The following GBP4 variants were observed in gnomAD, a reference collection of about 807,000 sequenced individuals.
The protein encoded by GBP4 is guanylate-binding protein 4.
In GBP4, 69 loss-of-function variants were observed where a neutral mutation model predicts 62.2. The ratio of observed to expected loss-of-function variants is 1.11; its 90% CI spans 0.91 to 1.36. The LOEUF is 1.36. GBP4 is among the 40% of genes most tolerant of loss of function. GBP4 has a pLI of 0.00. For missense variants in GBP4, 697 were observed against 759.3 expected (o/e 0.92, Z 0.96); for synonymous variants, 278 against 274.6 (o/e 1.01, Z -0.12).
At position 89,198,909 on chromosome 1, in the gene GBP4, G is replaced by A. The variant is rs1648419609; in HGVS notation, c.-75C>T. The stretch of plus-strand genomic sequence containing the variant: ...AGCTGAAAGTCCAGCCGGATTTACA[G>A]ACATCCAAGTAAGAGTCTGTGAGAA... On this transcript the variant is annotated 5_prime_UTR_variant, in exon 1 of 11. Coordinates refer to ENST00000355754, the MANE Select transcript of GBP4 (RefSeq NM_052941.5). The A allele has an allele frequency of 7.2e-7, 1 of 1,381,478 alleles. No homozygotes were observed. Among genetic ancestry groups the A allele is most frequent in the South Asian group, 1.2e-5 (1 of 86,416 alleles). The allele number at this position is 1,381,478 out of a possible 1,614,324, so 85.6% of individuals were successfully genotyped here.
intron 6 of GBP4, 67 bp downstream of exon 6, chr1:89,191,194 C>A: frequency 6.5e-7 from 1 of 1,547,336 alleles, no homozygotes; most frequent in South Asian, 1.2e-5. Flanking sequence ...GAAAAACTTG[C>A]AGTCATTACA....
chr1:89,197,047 G>T, intron 2 of GBP4, 63 bp downstream of exon 2: 1 of 1,389,848 alleles, frequency 7.2e-7, no homozygotes, highest in Non-Finnish European at 9.9e-7. Flanking sequence ...CCTAGAGGGG[G>T]TGTGATCAGC....
Position 89,188,570 on chromosome 1 carries a change from C to T in GBP4, c.1410+12G>A. 8 of 1,607,128 alleles carry T rather than the reference C, an allele frequency of 5.0e-6. No homozygotes were observed. The highest frequency in any genetic ancestry group is 6.8e-6 in the Non-Finnish European group (8 of 1,173,594). ...TCCTCTGTTATCCATCCCCCATTCC[C>T]CTTTTCCTCACCTTAACTCCTTTTC... is the stretch of plus-strand genomic sequence containing the variant. On this transcript the variant is annotated intron_variant, in intron 8 of 10. Coordinates refer to ENST00000355754, the MANE Select transcript of GBP4 (RefSeq NM_052941.5).
Position 89,188,622 on chromosome 1 carries a change from A to T in GBP4, c.1370T>A (p.Val457Asp). The change falls in exon 8 of 11, where the codon GTT (valine) becomes GAT (aspartate). Residue 457 changes from valine to aspartate, a missense_variant. Around this residue, in one of 2 missense-constraint regions of GBP4, gnomAD observed 556 missense variants for 562.7 expected, o/e 0.99. Transcript: ENST00000355754. ...HNLYLEEKKQ[V>D]EWDYKLVPRK... Reference sequence around the variant, plus strand: ...GGGCACTAGCTTATAGTCCCACTCAACCTGTTTCTTTTCTTCTAAGTAGAG... The same window carrying T: ...GGGCACTAGCTTATAGTCCCACTCATCCTGTTTCTTTTCTTCTAAGTAGAG... 6.2e-7 allele frequency: 1 copy of T among 1,614,128 alleles called. No homozygotes were observed. The highest frequency in any genetic ancestry group is 1.1e-5 in the South Asian group (1 of 91,076).
In GBP4 at chr1:89,197,261, T is replaced by C; in HGVS notation, c.84A>G (p.Leu28=). The change falls in exon 2 of 11, where the codon CTA becomes CTG. Residue 28 remains leucine (L), a synonymous_variant. Transcript: ENST00000355754. The stretch of plus-strand genomic sequence containing the variant: ...TCAGCTGCTCTTCCTGGTTTTCCAC[T>C]AGACAAATGGGGGCCATCATGATGG... The part of the protein sequence containing the change: ...SESIMMAPIC[L]VENQEEQLTV... 1 of 1,614,122 alleles carries C rather than the reference T, an allele frequency of 6.2e-7. No homozygotes were observed. Among genetic ancestry groups the C allele is most frequent in the Non-Finnish European group, 8.5e-7 (1 of 1,179,992 alleles).
chr1:89,196,245 T>C (rs1381951321), intron 2 of GBP4, among the ~76,000 whole-genome samples: 3 of 152,224 alleles, frequency 2.0e-5, no homozygotes, highest in Non-Finnish European at 2.9e-5. Flanking sequence ...GTATAAATAA[T>C]GGGTACACAT....
rs1399664343 is a variant in GBP4, at chr1:89,183,481, A to G, written c.*1773T>C. The G allele has an allele frequency of 1.3e-5, 2 of 152,248 alleles. No homozygotes were observed. Among genetic ancestry groups the G allele is most frequent in the African/African-American group, 4.8e-5 (2 of 41,464 alleles). 9.4% of individuals were successfully genotyped at this position (152,248 alleles called of 1,614,324 possible). ...TAACCTAAGAAATACCATTCTGGAC[A>G]TAAGACTTGGCTAAAATTTCATGAT... On this transcript the variant is annotated 3_prime_UTR_variant, in exon 11 of 11. Transcript: ENST00000355754.
chr1:89,198,617 G>A, intron 1 of GBP4, 178 bp downstream of exon 1: 1 of 647,808 alleles, frequency 1.5e-6, no homozygotes, highest in Non-Finnish European at 2.8e-6. Context: ...GCCACACGGA[G>A]CAAAGCACTC....
At position 89,183,289 on chromosome 1, in the gene GBP4, A is replaced by AAGCAATGG. The variant is rs1647941103; in HGVS notation, c.*1957_*1964dup. 6.6e-6 allele frequency: 1 copy of AAGCAATGG among 152,206 alleles called. No individual in the cohort carries two copies. The highest frequency in any genetic ancestry group is 2.4e-5 in the African/African-American group (1 of 41,454). 9.4% of individuals were successfully genotyped at this position (152,206 alleles called of 1,614,324 possible). ...GATCTTGGACAAAGCTGACAAAAAC[A>AAGCAATGG]AGCAATGGGGAAAGAAGTCCCCATT... On this transcript the variant is annotated 3_prime_UTR_variant, in exon 11 of 11. Transcript: ENST00000355754.
chr1:89,198,021 TG>T (rs1330105069), intron 1 of GBP4, among the ~76,000 whole-genome samples: 1 of 151,528 alleles, frequency 6.6e-6, no homozygotes, highest in Non-Finnish European at 1.5e-5. Flanking sequence ...AAGGAGAGGT[TG>T]GGGGGAGGGG....
chr1:89,196,852 G>GC (rs1243414848), intron 2 of GBP4, among the ~76,000 whole-genome samples: 2 of 152,228 alleles, frequency 1.3e-5, no homozygotes, highest in East Asian at 3.9e-4. Context: ...AATTGCTGGG[G>GC]CTGAGCCCCT....
At position 89,186,349 on chromosome 1, in the gene GBP4, A is replaced by G. The variant is rs747584155; in HGVS notation, c.1691T>C (p.Leu564Pro). ...GAGACTCACCTTCAGCTTGTGTTTT[A>G]GCAGCCTTTCATGCTCTCTGAGAAG... ...ENLLREHERLLKHKLKVQEEM... is the reference protein window; with the variant it reads ...ENLLREHERLPKHKLKVQEEM... The change falls in exon 10 of 11, where the codon CTA becomes CCA. Residue 564 changes from leucine to proline, a missense_variant. Physicochemically the swap from Leu to Pro is moderately conservative, Grantham distance 98 (BLOSUM62 -3). Around this residue, in one of 2 missense-constraint regions of GBP4, gnomAD observed 141 missense variants for 196.6 expected, o/e 0.72. Coordinates refer to ENST00000355754, the MANE Select transcript of GBP4 (RefSeq NM_052941.5). The G allele has an allele frequency of 1.9e-5, 30 of 1,612,990 alleles. No homozygotes were observed. The highest frequency in any genetic ancestry group is 2.3e-5 in the Non-Finnish European group (27 of 1,179,190).
intron 1 of GBP4, among the ~76,000 whole-genome samples, chr1:89,197,931 G>A (rs1403173273): frequency 1.3e-5 from 2 of 151,990 alleles, no homozygotes; most frequent in Non-Finnish European, 2.9e-5. Flanking sequence ...TTTATTAGCC[G>A]GCGACCGAGA....
At position 89,184,318 on chromosome 1, in the gene GBP4, C is replaced by T. The variant is rs981292705; in HGVS notation, c.*936G>A. On this transcript the variant is annotated 3_prime_UTR_variant, in exon 11 of 11. Transcript: ENST00000355754. ...CAAAGAACTCAGAATTACCATTCAA[C>T]TCAGCAATCCCATTATTCCCAAAGG... 2 of 152,160 alleles carry T rather than the reference C, an allele frequency of 1.3e-5. No individual in the cohort carries two copies. The highest frequency in any genetic ancestry group is 4.8e-5 in the African/African-American group (2 of 41,412). 9.4% of individuals were successfully genotyped at this position (152,160 alleles called of 1,614,324 possible).
Position 89,191,283 on chromosome 1 carries a change from C to A in GBP4, c.894G>T (p.Glu298Asp). ...CACGCTTTCCAGTGACAATGATTCC[C>A]TCTCTCAGGGTCTTGGTCTTTGCAT... is the stretch of plus-strand genomic sequence containing the variant. ...FTHAKTKTLR[E>D]GIIVTGKRLG... is the part of the protein sequence containing the mutation. The change falls in exon 6 of 11, where the codon GAG becomes GAT. Residue 298 changes from glutamate (E) to aspartate (D), a missense_variant. This residue lies in a region of GBP4 where 556 missense variants were observed against 562.7 expected (regional missense o/e 0.99). Transcript: ENST00000355754. 6.2e-7 allele frequency: 1 copy of A among 1,612,804 alleles called. No individual in the cohort carries two copies. The highest frequency in any genetic ancestry group is 8.5e-7 in the Non-Finnish European group (1 of 1,178,832).
At chr1:89,187,149 C>T in intron 8 of GBP4, 47 bp from the exon 9 acceptor site, 2 of 1,475,638 alleles carry the variant, frequency 1.4e-6, no homozygotes, top group Non-Finnish European at 1.9e-6. Context: ...GCAAAGGTCT[C>T]ATCTTATGAT....
intron 8 of GBP4, among the ~76,000 whole-genome samples, chr1:89,188,326 T>C (rs1648092684): frequency 6.6e-6 from 1 of 152,238 alleles, no homozygotes; most frequent in Non-Finnish European, 1.5e-5. Flanking sequence ...GCACAAAAAC[T>C]ATCCCATTAA....
At chr1:89,191,130 G>A (rs1648169959) in intron 6 of GBP4, 131 bp downstream of exon 6, 2 of 1,044,846 alleles carry the variant, frequency 1.9e-6, no homozygotes, top group East Asian at 2.4e-5. Context: ...ATTTCTATGT[G>A]TGCAATGAAC....
chr1:89,196,325 A>G (rs185289500), intron 2 of GBP4, among the ~76,000 whole-genome samples: 14 of 152,344 alleles, frequency 9.2e-5, no homozygotes, highest in Admixed American at 3.9e-4. Flanking sequence ...TACACACAAT[A>G]TAATTTCCTT....
Sources: gnomAD v4.1 joint callset for allele counts (sites outside exome capture counted in the v4.1 genomes callset) on GRCh38, gnomAD v4.1.1 for gene constraint, gnomAD v4.1.1 regional missense constraint, MANE v1.5 for transcripts, NCBI Gene and HGNC (gene_info 2026-07-23, HGNC 2026-07-21) for gene names.